IGSF21: variants seen among roughly 807,000 people sequenced by gnomAD.
IGSF21 encodes the protein immunoglobulin superfamily member 21.
Under a neutral mutation model 46.8 loss-of-function variants are expected in IGSF21, and 28 were observed. The observed-to-expected ratio is 0.60, with a 90% CI of 0.44 to 0.82. The LOEUF (loss-of-function observed/expected upper bound fraction) is 0.82. Among genes scored for constraint, IGSF21 ranks in the 40% least tolerant of loss-of-function variants. The pLI is 0.00. For synonymous variants in IGSF21, 284 were observed against 273.6 expected, an observed-to-expected ratio of 1.04 and a Z score of -0.38; for missense variants, 624 against 665.5, an observed-to-expected ratio of 0.94 and a Z score of 0.69.
At chr1:18,211,574 C>T (rs932914908) in intron 1 of IGSF21, among the ~76,000 whole-genome samples, 2 of 152,168 alleles carry the variant, frequency 1.3e-5, no homozygotes, top group Non-Finnish European at 2.9e-5. Flanking sequence ...CTGCTTTTAG[C>T]TTCTGAGCCC....
chr1:18,162,370 C>T (rs540299822), intron 1 of IGSF21, among the ~76,000 whole-genome samples: 8 of 152,142 alleles, frequency 5.3e-5, no homozygotes, highest in African/African-American at 1.4e-4. Flanking sequence ...TTCTACTTTA[C>T]GTTAATGGTG....
intron 1 of IGSF21, among the ~76,000 whole-genome samples, chr1:18,173,017 G>A (rs890085896): frequency 7.9e-5 from 12 of 152,154 alleles, no homozygotes; most frequent in African/African-American, 2.2e-4. Flanking sequence ...GGCCAGGTGC[G>A]GTGGCTCACG....
At chr1:18,211,204 G>A (rs542795991) in intron 1 of IGSF21, among the ~76,000 whole-genome samples, 1 of 152,300 alleles carries the variant, frequency 6.6e-6, no homozygotes, top group South Asian at 2.1e-4. Flanking sequence ...CTGCTAGAGT[G>A]GAGATGTGAA....
intron 6 of IGSF21, among the ~76,000 whole-genome samples, chr1:18,367,402 A>G (rs906598123): frequency 1.3e-5 from 2 of 152,106 alleles, no homozygotes; most frequent in Admixed American, 6.5e-5. Context: ...CTGAGGCTCA[A>G]GTTGGTAGAG....
At chr1:18,358,727 G>A (rs1424594606) in intron 4 of IGSF21, among the ~76,000 whole-genome samples, 2 of 152,202 alleles carry the variant, frequency 1.3e-5, no homozygotes, top group African/African-American at 4.8e-5. Flanking sequence ...ATCTTCACAA[G>A]TACCTTACAA....
intron 1 of IGSF21, among the ~76,000 whole-genome samples, chr1:18,145,548 G>T (rs1181450228): frequency 1.3e-5 from 2 of 152,170 alleles, no homozygotes; most frequent in Non-Finnish European, 2.9e-5. Context: ...TGGGCAGGCA[G>T]AGAGTCCAGG....
At chr1:18,360,068 G>C (rs984161800) in intron 4 of IGSF21, among the ~76,000 whole-genome samples, 2 of 152,198 alleles carry the variant, frequency 1.3e-5, no homozygotes, top group African/African-American at 4.8e-5. Flanking sequence ...GGTGAAGACA[G>C]AAAGAATGCA....
rs1569907215 is a variant in IGSF21, at chr1:18,376,951, C to T, written c.1253C>T (p.Pro418Leu). 1 of 1,602,868 alleles carries T rather than the reference C, an allele frequency of 6.2e-7. No homozygotes were observed. Among genetic ancestry groups the T allele is most frequent in the African/African-American group, 1.3e-5 (1 of 74,660 alleles). Residue 418 changes from proline (P) to leucine (L), a missense_variant, in exon 8 of 10, where the codon CCA (proline) becomes CTA (leucine). Physicochemically the swap from Pro to Leu is moderately conservative, Grantham distance 98. Coordinates refer to ENST00000251296, the MANE Select transcript of IGSF21 (RefSeq NM_032880.5). ...GSMYRCTAQN[P>L]LGSTDTHTRL... is the part of the protein sequence containing the mutation. ...ATGTATCGCTGCACCGCCCAGAACC[C>T]ACTGGGCTCCACCGACACGCACACC...
intron 2 of IGSF21, among the ~76,000 whole-genome samples, chr1:18,282,733 G>C (rs929416066): frequency 7.2e-5 from 11 of 152,014 alleles, no homozygotes; most frequent in African/African-American, 2.7e-4. Flanking sequence ...AGCTGTGGGT[G>C]CAGGCATTGT....
chr1:18,218,069 A>G (rs2084470521), intron 1 of IGSF21, among the ~76,000 whole-genome samples: 1 of 152,228 alleles, frequency 6.6e-6, no homozygotes. Flanking sequence ...GCATTGCTAT[A>G]AAGGACTGCC....
intron 1 of IGSF21, among the ~76,000 whole-genome samples, chr1:18,129,991 A>G (rs1470740957): frequency 6.6e-6 from 1 of 152,168 alleles, no homozygotes; most frequent in Admixed American, 6.5e-5. Context: ...CTTTCTGTTC[A>G]TTATAAATTA....
At chr1:18,185,385 A>G (rs544273385) in intron 1 of IGSF21, among the ~76,000 whole-genome samples, 1 of 152,332 alleles carries the variant, frequency 6.6e-6, no homozygotes, top group South Asian at 2.1e-4. Flanking sequence ...GTGGTTTCCA[A>G]GTATTAAAGT....
intron 3 of IGSF21, among the ~76,000 whole-genome samples, chr1:18,333,484 T>C (rs55834522): frequency 0.048 from 7,243 of 152,300 alleles, 205 homozygotes; most frequent in South Asian, 0.076. Flanking sequence ...ATGTTCCTGC[T>C]TACAAAAGTC....
chr1:18,151,441 T>C (rs766615817), intron 1 of IGSF21, among the ~76,000 whole-genome samples: 3 of 151,626 alleles, frequency 2.0e-5, no homozygotes, highest in Non-Finnish European at 4.4e-5. Context: ...TGCTGAAGAG[T>C]GAAGAGAAAG....
chr1:18,283,464 C>T (rs1442555051), intron 2 of IGSF21, among the ~76,000 whole-genome samples: 1 of 152,194 alleles, frequency 6.6e-6, no homozygotes, highest in Non-Finnish European at 1.5e-5. Context: ...TTCTCTGGCC[C>T]AGCTCCCAGG....
At chr1:18,191,326 G>T (rs544587144) in intron 1 of IGSF21, among the ~76,000 whole-genome samples, 3 of 152,124 alleles carry the variant, frequency 2.0e-5, no homozygotes, top group Non-Finnish European at 4.4e-5. Flanking sequence ...TGAAAGAATT[G>T]CCTTACAAAC....
chr1:18,156,886 G>C (rs923535498), intron 1 of IGSF21, among the ~76,000 whole-genome samples: 3 of 152,150 alleles, frequency 2.0e-5, no homozygotes, highest in Non-Finnish European at 4.4e-5. Context: ...GCACTTTGAG[G>C]GGCGGAGGTA....
chr1:18,207,543 A>G (rs1013338404), intron 1 of IGSF21, among the ~76,000 whole-genome samples: 2 of 152,242 alleles, frequency 1.3e-5, no homozygotes, highest in Non-Finnish European at 2.9e-5. Context: ...CAGGACTACA[A>G]TACCAGTCCT....
At chr1:18,148,340 G>A (rs942406559) in intron 1 of IGSF21, among the ~76,000 whole-genome samples, 1 of 151,994 alleles carries the variant, frequency 6.6e-6, no homozygotes, top group Admixed American at 6.6e-5. Context: ...CACCATGTTA[G>A]CCAGGATGGT....
Sources: allele counts gnomAD v4.1 joint callset (sites outside exome capture counted in the v4.1 genomes callset), GRCh38; gene constraint gnomAD v4.1.1; transcripts MANE v1.5; gene names NCBI Gene and HGNC (gene_info 2026-07-23, HGNC 2026-07-21).